The following STXBP5L variants were observed in gnomAD, a reference collection of about 807,000 sequenced individuals.
STXBP5L encodes the protein syntaxin binding protein 5L.
In STXBP5L, 65 loss-of-function variants were observed where a neutral mutation model predicts 144.5. The observed-to-expected ratio is 0.45, with a 90% CI of 0.37 to 0.55. The LOEUF (loss-of-function observed/expected upper bound fraction) is 0.55, where lower values mean the gene tolerates loss of function less well. Ranked by LOEUF, STXBP5L falls within the 20% of genes least tolerant of loss-of-function variation. STXBP5L has a pLI of 0.00. For missense variants in STXBP5L, 1,298 were observed against 1,405.5 expected, an observed-to-expected ratio of 0.92 and a Z score of 1.22; for synonymous variants, 505 against 469.6, an observed-to-expected ratio of 1.08 and a Z score of -0.97.
At chr3:121,176,108 G>A (rs79661496) in intron 9 of STXBP5L, among the ~76,000 whole-genome samples, 7,051 of 152,048 alleles carry the variant, frequency 0.046, 223 homozygotes, top group Middle Eastern at 0.099. Context: ...CAAATCCACA[G>A]CTATATTTGG....
At chr3:121,413,394 CAAAAAT>C (rs1378869478) in intron 24 of STXBP5L, 71 bp downstream of exon 24, 1 of 1,344,414 alleles carries the variant, frequency 7.4e-7, no homozygotes, top group African/African-American at 1.5e-5. Context: ...TGTCTAAAAA[CAAAAAT>C]ATTATTAGGT....
At chr3:121,346,401 G>A (rs184397657) in intron 20 of STXBP5L, among the ~76,000 whole-genome samples, 27 of 151,620 alleles carry the variant, frequency 1.8e-4, no homozygotes, top group South Asian at 4.2e-4. Flanking sequence ...GAATAGTGCC[G>A]CAATAAACAT....
At chr3:120,932,729 TA>T (rs1710012118) in intron 2 of STXBP5L, among the ~76,000 whole-genome samples, 1 of 152,096 alleles carries the variant, frequency 6.6e-6, no homozygotes. Flanking sequence ...ATCATGCTGC[TA>T]TAAAGACACA....
chr3:121,353,646 T>G (rs1019127301), intron 20 of STXBP5L, among the ~76,000 whole-genome samples: 3 of 152,222 alleles, frequency 2.0e-5, no homozygotes, highest in Non-Finnish European at 4.4e-5. Context: ...CCTGGATTCA[T>G]TAATTTTTTG....
intron 9 of STXBP5L, among the ~76,000 whole-genome samples, chr3:121,179,630 G>C (rs2047063812): frequency 6.6e-6 from 1 of 152,114 alleles, no homozygotes; most frequent in Non-Finnish European, 1.5e-5. Context: ...TGATTATTGA[G>C]CTACTCAAGG....
intron 9 of STXBP5L, among the ~76,000 whole-genome samples, chr3:121,180,606 G>A (rs986380625): frequency 1.7e-4 from 26 of 152,304 alleles, no homozygotes; most frequent in African/African-American, 6.0e-4. Flanking sequence ...GGGCACAGTG[G>A]CTCAGGCCTG....
chr3:121,089,420 G>A lies in STXBP5L; in HGVS notation c.471-25505G>A, dbSNP rs147278655. Among the ~76,000 whole-genome samples the A allele has an allele frequency of 6.0e-4, 91 of 151,672 alleles. 2 individuals are homozygous for A. In the East Asian group the frequency reaches 0.013, roughly 22 times the overall value. The stretch of plus-strand genomic sequence containing the variant: ...GTTTTTCATTTTATACACCTGAATA[G>A]CATTCTACTTCCTCCTGGTCTCTGT... On this transcript the variant is annotated intron_variant, in intron 5 of 26. Transcript: ENST00000471454.
At chr3:121,004,601 G>T (rs945145866) in intron 3 of STXBP5L, among the ~76,000 whole-genome samples, 11 of 152,026 alleles carry the variant, frequency 7.2e-5, no homozygotes, top group Admixed American at 7.2e-4. Context: ...AATAGGAGTG[G>T]TGAGAGAGGG....
chr3:121,321,401 T>C (rs2043964509), intron 20 of STXBP5L, among the ~76,000 whole-genome samples: 1 of 152,234 alleles, frequency 6.6e-6, no homozygotes, highest in East Asian at 1.9e-4. Flanking sequence ...TGAAAGAGAA[T>C]GATAATTAAT....
chr3:121,181,593 G>C (rs756400781), intron 9 of STXBP5L, among the ~76,000 whole-genome samples: 1 of 152,098 alleles, frequency 6.6e-6, no homozygotes, highest in Non-Finnish European at 1.5e-5. Flanking sequence ...AATTAGCTGG[G>C]CATGGTCGTA....
At chr3:121,283,082 TATC>T (rs1257254348) in intron 19 of STXBP5L, among the ~76,000 whole-genome samples, 2 of 151,276 alleles carry the variant, frequency 1.3e-5, no homozygotes, top group Admixed American at 6.7e-5. Context: ...AAAAAATGTT[TATC>T]ATATGTTAAT....
intron 5 of STXBP5L, among the ~76,000 whole-genome samples, chr3:121,076,175 C>T (rs180994992): frequency 6.6e-6 from 1 of 152,328 alleles, no homozygotes; most frequent in East Asian, 1.9e-4. Flanking sequence ...ATTGCTTGGG[C>T]ATGGCCCGAC....
At chr3:121,345,571 G>A (rs1246937781) in intron 20 of STXBP5L, among the ~76,000 whole-genome samples, 2 of 152,020 alleles carry the variant, frequency 1.3e-5, no homozygotes, top group Admixed American at 6.6e-5. Context: ...CTAGATTCTT[G>A]AGGGATCACC....
chr3:121,264,400 A>G (rs1189344894), intron 18 of STXBP5L, among the ~76,000 whole-genome samples: 1 of 152,172 alleles, frequency 6.6e-6, no homozygotes, highest in Non-Finnish European at 1.5e-5. Context: ...GCACAAAGTA[A>G]ACATACCCAT....
chr3:120,961,890 A>G (rs1313659982), intron 3 of STXBP5L, among the ~76,000 whole-genome samples: 1 of 152,212 alleles, frequency 6.6e-6, no homozygotes, highest in African/African-American at 2.4e-5. Context: ...ACTCCCACCA[A>G]CAGTGTAAAT....
At chr3:121,295,759 C>A (rs1369928035) in intron 19 of STXBP5L, among the ~76,000 whole-genome samples, 2 of 152,072 alleles carry the variant, frequency 1.3e-5, no homozygotes, top group Non-Finnish European at 2.9e-5. Flanking sequence ...CCTACATCTA[C>A]AATGTATTTC....
chr3:121,273,251 T>G (rs2108424463), intron 18 of STXBP5L, among the ~76,000 whole-genome samples: 1 of 152,148 alleles, frequency 6.6e-6, no homozygotes, highest in African/African-American at 2.4e-5. Flanking sequence ...GTATCTCTCC[T>G]TCATTTCTGA....
intron 5 of STXBP5L, among the ~76,000 whole-genome samples, chr3:121,080,372 G>A (rs2042199711): frequency 6.6e-6 from 1 of 151,926 alleles, no homozygotes; most frequent in Admixed American, 6.6e-5. Flanking sequence ...CATGTTAGTT[G>A]CCTAAATACT....
intron 3 of STXBP5L, among the ~76,000 whole-genome samples, chr3:120,964,384 C>G (rs1173225124): frequency 6.6e-6 from 1 of 152,110 alleles, no homozygotes; most frequent in African/African-American, 2.4e-5. Context: ...GATTTTAGAT[C>G]TTTCCTTCCT....
Sources: allele counts gnomAD v4.1 joint callset (sites outside exome capture counted in the v4.1 genomes callset), GRCh38; gene constraint gnomAD v4.1.1; transcripts MANE v1.5; gene names NCBI Gene and HGNC (gene_info 2026-07-23, HGNC 2026-07-21).